BRIP1: variants seen among roughly 807,000 people sequenced by gnomAD.
The protein encoded by BRIP1 is BRCA1 interacting DNA helicase 1.
A neutral mutation model predicts 119.7 loss-of-function variants in BRIP1; 88 were observed. The observed-to-expected ratio is 0.74, with a 90% CI of 0.62 to 0.88. The LOEUF (loss-of-function observed/expected upper bound fraction) is 0.88. Among genes scored for constraint, BRIP1 ranks in the 40% least tolerant of loss-of-function variants. The pLI, the probability that BRIP1 is intolerant of heterozygous loss-of-function variation, is 0.00. For missense variants in BRIP1, 1,259 were observed against 1,455.4 expected (o/e 0.87, Z 2.20); for synonymous variants, 443 against 496.5 (o/e 0.89, Z 1.43).
Position 61,780,794 on chromosome 17 carries a change from G to C in BRIP1, c.1794+46C>G, listed in dbSNP as rs2145088459. 6.4e-7 allele frequency: 1 copy of C among 1,563,662 alleles called. No homozygotes were observed. On this transcript the variant is annotated intron_variant, in intron 12 of 19. Transcript: ENST00000259008. The surrounding 1 kb of genome is among the most constrained non-coding windows in gnomAD (Gnocchi z 5.4). Reference sequence around the variant, plus strand: ...AGTCAACCACATTTATTAAAATGCTGGTACTGAGCAAGAAGACAAAATTTC... The same window carrying C: ...AGTCAACCACATTTATTAAAATGCTCGTACTGAGCAAGAAGACAAAATTTC...
rs2077208858 is a variant in BRIP1 at position 61,756,991 on chromosome 17, G to A, written c.2098-12400C>T. ...ACTCACATAATTTATTTCATAAGTA[G>A]AACCTGGTATATTTTTCCATCTAAA... On this transcript the variant is annotated intron_variant, in intron 14 of 19. Coordinates refer to ENST00000259008, the MANE Select transcript of BRIP1 (RefSeq NM_032043.3). The surrounding 1 kb of genome is among the most constrained non-coding windows in gnomAD (Gnocchi z 4.3). Among the ~76,000 whole-genome samples, 1 of 152,076 alleles carries A rather than the reference G, an allele frequency of 6.6e-6. No homozygotes were observed. The highest frequency in any genetic ancestry group is 2.4e-5 in the African/African-American group (1 of 41,412).
rs1342652863 is a variant in BRIP1, at chr17:61,827,255, C to A, written c.628-18498G>T. 6.6e-6 allele frequency among the ~76,000 whole-genome samples: 1 copy of A among 152,032 alleles called. No homozygotes were observed. Among genetic ancestry groups the A allele is most frequent in the East Asian group, 1.9e-4 (1 of 5,186 alleles). ...TGGAAACATAAAGGGGAAAAACACA[C>A]AATGGGGCCTATCAGAGGGTAGAGG... is the stretch of plus-strand genomic sequence containing the variant. On this transcript the variant is annotated intron_variant, in intron 6 of 19. Transcript: ENST00000259008. This position sits in a 1 kb window ranked among gnomAD's most constrained non-coding sequence, Gnocchi z 5.8.
rs1009487486 is a variant in BRIP1, at chr17:61,855,492, T to C, written c.379+1566A>G. Among the ~76,000 whole-genome samples, 6 of 150,720 alleles carry C rather than the reference T, an allele frequency of 4.0e-5. No homozygotes were observed. The East Asian group carries it at 7.8e-4, about 20-fold the overall frequency. On this transcript the variant is annotated intron_variant, in intron 4 of 19. Coordinates refer to ENST00000259008, the MANE Select transcript of BRIP1 (RefSeq NM_032043.3). The stretch of plus-strand genomic sequence containing the variant: ...TACTTGGGAGGCTGAGGCAGGATAA[T>C]TGCTCGAACCCAGGAGGTGAAGGTT...
intron 13 of BRIP1, among the ~76,000 whole-genome samples, chr17:61,777,387 T>C (rs1366225936): frequency 6.6e-6 from 1 of 152,164 alleles, no homozygotes; most frequent in Non-Finnish European, 1.5e-5. Flanking sequence ...AGACATCAAC[T>C]GGGTGTCCTC....
Position 61,848,952 on chromosome 17 carries a change from G to C in BRIP1, c.507+177C>G, listed in dbSNP as rs576861974. On this transcript the variant is annotated intron_variant, in intron 5 of 19. Coordinates refer to ENST00000259008, the MANE Select transcript of BRIP1 (RefSeq NM_032043.3). This position sits in a 1 kb window ranked among gnomAD's most constrained non-coding sequence, Gnocchi z 4.3. Reference sequence around the variant, plus strand: ...AACGACATGTTACTGTGAATAATCTGCTATAATAAACTCCTTTGTAACAAG... The same window carrying C: ...AACGACATGTTACTGTGAATAATCTCCTATAATAAACTCCTTTGTAACAAG... Among the ~76,000 whole-genome samples, 9 of 152,234 alleles carry C rather than the reference G, an allele frequency of 5.9e-5. No homozygotes were observed. Among genetic ancestry groups the C allele is most frequent in the African/African-American group, 2.2e-4 (9 of 41,530 alleles).
intron 6 of BRIP1, among the ~76,000 whole-genome samples, chr17:61,837,018 G>T (rs1429842371): frequency 6.6e-6 from 1 of 152,122 alleles, no homozygotes; most frequent in African/African-American, 2.4e-5. Flanking sequence ...AGTTTCCTCA[G>T]CTATAATTGC....
intron 6 of BRIP1, among the ~76,000 whole-genome samples, chr17:61,838,919 G>C (rs180714400): frequency 3.3e-5 from 5 of 151,784 alleles, no homozygotes; most frequent in Admixed American, 6.6e-5. Context: ...TAAAACTTAC[G>C]ACATTAATAC....
rs774684620 is a variant in BRIP1 at position 61,684,098 on chromosome 17, AT to A, written c.2947del (p.Ile983LeufsTer2). ...FLEEAGKAEK[I>X]VISRSTSPTF... is the part of the protein sequence containing the mutation. ...TGGGCTTGTGGATCTGGAAATCACA[AT>A]TTTTTCTGCTTTCCCTGCTTCTTCC... On this transcript the variant is annotated frameshift_variant, in exon 20 of 20. Transcript: ENST00000259008. LOFTEE classifies it low-confidence loss of function (END_TRUNC). This position sits in a 1 kb window ranked among gnomAD's most constrained non-coding sequence, Gnocchi z 4.5. The A allele has an allele frequency of 1.2e-6, 2 of 1,613,492 alleles. No individual in the cohort carries two copies. The highest frequency in any genetic ancestry group is 1.7e-6 in the Non-Finnish European group (2 of 1,179,812).
intron 6 of BRIP1, among the ~76,000 whole-genome samples, chr17:61,820,976 A>T (rs1460100559): frequency 6.6e-6 from 1 of 151,762 alleles, no homozygotes; most frequent in Non-Finnish European, 1.5e-5. Context: ...AGAAAGAAAG[A>T]AAGTACACTC....
chr17:61,853,485 G>A lies in BRIP1; in HGVS notation c.379+3573C>T, dbSNP rs1473862469. Reference sequence around the variant, plus strand: ...TCTATATTTAGGTTACAGATTAAAGGATTTACTTACAAATATAAAGAGCGT... The same window carrying A: ...TCTATATTTAGGTTACAGATTAAAGAATTTACTTACAAATATAAAGAGCGT... On this transcript the variant is annotated intron_variant, in intron 4 of 19. Coordinates refer to ENST00000259008, the MANE Select transcript of BRIP1 (RefSeq NM_032043.3). This position sits in a 1 kb window ranked among gnomAD's most constrained non-coding sequence, Gnocchi z 4.3. 6.6e-6 allele frequency among the ~76,000 whole-genome samples: 1 copy of A among 151,998 alleles called. No homozygotes were observed.
chr17:61,746,806 A>G lies in BRIP1; in HGVS notation c.2098-2215T>C, dbSNP rs772527493. Among the ~76,000 whole-genome samples the G allele has an allele frequency of 1.1e-4, 16 of 152,236 alleles. No homozygotes were observed. The highest frequency in any genetic ancestry group is 2.2e-4 in the Non-Finnish European group (15 of 67,986). ...CATCCAAACAGAAGATCAACAAGGA[A>G]ACGGAACTTGAACAATACTAGAGAC... On this transcript the variant is annotated intron_variant, in intron 14 of 19. Coordinates refer to ENST00000259008, the MANE Select transcript of BRIP1 (RefSeq NM_032043.3). This position sits in a 1 kb window ranked among gnomAD's most constrained non-coding sequence, Gnocchi z 4.9.
In BRIP1 at chr17:61,784,305, A is replaced by G. The variant is rs1603336919; in HGVS notation, c.1593T>C (p.Phe531=). Residue 531 remains phenylalanine (F), a synonymous_variant, in exon 11 of 20, where the codon TTT becomes TTC. Transcript: ENST00000259008. The part of the protein sequence containing the change: ...ASTQIMLKGL[F]MVLDYLFRQN... ...GCCTAAAAAGATAGTCAAGTACCATAAAAAGTCCTTTAAGCATTATTTGAG... is the reference window on the plus strand; with the variant it reads ...GCCTAAAAAGATAGTCAAGTACCATGAAAAGTCCTTTAAGCATTATTTGAG... 1 of 1,613,236 alleles carries G rather than the reference A, an allele frequency of 6.2e-7. No individual in the cohort carries two copies. The highest frequency in any genetic ancestry group is 8.5e-7 in the Non-Finnish European group (1 of 1,179,386).
rs1415399568 is a variant in BRIP1 at position 61,689,594 on chromosome 17, G to C, written c.2576-3429C>G. Among the ~76,000 whole-genome samples, 1 of 152,106 alleles carries C rather than the reference G, an allele frequency of 6.6e-6. No homozygotes were observed. Among genetic ancestry groups the C allele is most frequent in the African/African-American group, 2.4e-5 (1 of 41,418 alleles). On this transcript the variant is annotated intron_variant, in intron 18 of 19. Transcript: ENST00000259008. This position sits in a 1 kb window ranked among gnomAD's most constrained non-coding sequence, Gnocchi z 4.5. ...ACATGAAGCCCAGTGAACCTGAACA[G>C]GATGAACCCAAAAGTCTGTACCAAA...
Position 61,691,690 on chromosome 17 carries a change from G to A in BRIP1, c.2575+1740C>T, listed in dbSNP as rs761555878. Among the ~76,000 whole-genome samples, 122 of 152,114 alleles carry A rather than the reference G, an allele frequency of 8.0e-4. No individual in the cohort carries two copies. Among genetic ancestry groups the A allele is most frequent in the Non-Finnish European group, 1.2e-3 (82 of 68,014 alleles). The stretch of plus-strand genomic sequence containing the variant: ...AGGCTGGTCTCAAACTCCTGACCTC[G>A]TGATCCACCTGCCTTGGCCTCCCAA... On this transcript the variant is annotated intron_variant, in intron 18 of 19. Coordinates refer to ENST00000259008, the MANE Select transcript of BRIP1 (RefSeq NM_032043.3). The surrounding 1 kb of genome is among the most constrained non-coding windows in gnomAD (Gnocchi z 5.0).
rs1156469750 is a variant in BRIP1, at chr17:61,808,625, T to C, written c.760A>G (p.Lys254Glu). Reference sequence around the variant, plus strand: ...TCTCTAGTAATCTGAGCAATCTGCTTGTGTGTGCGTGTCCCAAAATATATT... The same window carrying C: ...TCTCTAGTAATCTGAGCAATCTGCTCGTGTGTGCGTGTCCCAAAATATATT... ...PKIYFGTRTH[K>E]QIAQITRELR... The change falls in exon 7 of 20, where the codon AAG becomes GAG. Residue 254 changes from lysine (K) to glutamate (E), a missense_variant. Physicochemically the swap from Lys to Glu is moderately conservative, Grantham distance 56. This residue lies in a region of BRIP1 where 501 missense variants were observed against 544.0 expected (regional missense o/e 0.92). Coordinates refer to ENST00000259008, the MANE Select transcript of BRIP1 (RefSeq NM_032043.3). This position sits in a 1 kb window ranked among gnomAD's most constrained non-coding sequence, Gnocchi z 4.1. The C allele has an allele frequency of 6.2e-7, 1 of 1,613,992 alleles. No individual in the cohort carries two copies. The highest frequency in any genetic ancestry group is 8.5e-7 in the Non-Finnish European group (1 of 1,179,928).
rs1259714436 is a variant in BRIP1 at position 61,793,463 on chromosome 17, A to G, written c.1473+134T>C. ...CACTTAAAGATTATCAAATTTAGAT[A>G]ATAAAATTTTTAAAAAATTAAATTG... On this transcript the variant is annotated intron_variant, in intron 10 of 19. Transcript: ENST00000259008. The surrounding 1 kb of genome is among the most constrained non-coding windows in gnomAD (Gnocchi z 5.2). The G allele has an allele frequency of 1.3e-6, 1 of 743,992 alleles. No individual in the cohort carries two copies. Among genetic ancestry groups the G allele is most frequent in the African/African-American group, 1.8e-5 (1 of 56,324 alleles). 46.1% of individuals were successfully genotyped at this position (743,992 alleles called of 1,614,324 possible).
At chr17:61,698,327 A>T (rs892509675) in intron 17 of BRIP1, among the ~76,000 whole-genome samples, 5 of 151,672 alleles carry the variant, frequency 3.3e-5, no homozygotes, top group Non-Finnish European at 5.9e-5. Flanking sequence ...GGTTTATTTC[A>T]TTGTAGTCAG....
At chr17:61,850,654 C>T (rs79828556) in intron 4 of BRIP1, among the ~76,000 whole-genome samples, 1 of 151,066 alleles carries the variant, frequency 6.6e-6, no homozygotes, top group Non-Finnish European at 1.5e-5. Flanking sequence ...ATGGCGAAAT[C>T]CCATCTCTAT....
intron 13 of BRIP1, among the ~76,000 whole-genome samples, chr17:61,777,777 C>A (rs1159744283): frequency 6.6e-6 from 1 of 152,144 alleles, no homozygotes; most frequent in East Asian, 1.9e-4. Context: ...GAACCCTGTC[C>A]TTCTAGGTTT....
Sources: gnomAD v4.1 joint callset for allele counts (sites outside exome capture counted in the v4.1 genomes callset) on GRCh38, gnomAD v4.1.1 for gene constraint, gnomAD v4.1.1 regional missense constraint, Gnocchi (gnomAD v3.1) non-coding constraint, MANE v1.5 for transcripts, NCBI Gene and HGNC (gene_info 2026-07-23, HGNC 2026-07-21) for gene names.